The following SYN3 variants were observed in gnomAD, a reference collection of about 807,000 sequenced individuals.
The protein encoded by SYN3 is synapsin III.
A neutral mutation model predicts 65.8 loss-of-function variants in SYN3; 35 were observed. The ratio of observed to expected loss-of-function variants is 0.53; its 90% CI spans 0.41 to 0.70. The LOEUF (loss-of-function observed/expected upper bound fraction) is 0.70, where lower values mean the gene tolerates loss of function less well. Among genes scored for constraint, SYN3 ranks in the 30% least tolerant of loss-of-function variants. The pLI, the probability that SYN3 is intolerant of heterozygous loss-of-function variation, is 0.00. For missense variants in SYN3, 680 were observed against 749.0 expected, an observed-to-expected ratio of 0.91 and a Z score of 1.08; for synonymous variants, 270 against 292.9, an observed-to-expected ratio of 0.92 and a Z score of 0.80.
chr22:32,758,839 C>T (rs1198839363), intron 6 of SYN3, among the ~76,000 whole-genome samples: 2 of 150,886 alleles, frequency 1.3e-5, no homozygotes, highest in African/African-American at 2.4e-5. Context: ...TCTGGTAGGA[C>T]CAAATCCAAC....
intron 6 of SYN3, among the ~76,000 whole-genome samples, chr22:32,607,962 C>T (rs1242931960): frequency 6.6e-6 from 1 of 152,214 alleles, no homozygotes; most frequent in Non-Finnish European, 1.5e-5. Flanking sequence ...GGATCACAGA[C>T]CCTCTGGGCT....
intron 3 of SYN3, among the ~76,000 whole-genome samples, chr22:32,956,381 C>G (rs1004677458): frequency 2.0e-5 from 3 of 152,044 alleles, no homozygotes; most frequent in African/African-American, 7.2e-5. Context: ...GTCTCAAACT[C>G]TGACCTCAAA....
intron 12 of SYN3, among the ~76,000 whole-genome samples, chr22:32,522,635 C>T (rs993137773): frequency 4.6e-5 from 7 of 152,058 alleles, no homozygotes; most frequent in East Asian, 1.9e-4. Context: ...ATAAGACACA[C>T]GTTATTAATA....
At chr22:32,886,432 C>A (rs1324726427) in intron 4 of SYN3, among the ~76,000 whole-genome samples, 3 of 152,150 alleles carry the variant, frequency 2.0e-5, no homozygotes, top group African/African-American at 4.8e-5. Flanking sequence ...CCGGCTCCCC[C>A]AGCTGTGCGA....
chr22:32,636,610 G>C (rs1165656503), intron 6 of SYN3, among the ~76,000 whole-genome samples: 2 of 152,110 alleles, frequency 1.3e-5, no homozygotes, highest in East Asian at 3.8e-4. Flanking sequence ...ATCCTGGGGG[G>C]ATAATCATGG....
rs147843261 is a variant in SYN3 at position 32,831,050 on chromosome 22, A to G, written c.711+33865T>C. ...GTGAAAAGTATTGAATATTCCTTCTATTTCAAAAATAGCAGCTTCCATGGC... is the reference window on the plus strand; with the variant it reads ...GTGAAAAGTATTGAATATTCCTTCTGTTTCAAAAATAGCAGCTTCCATGGC... On this transcript the variant is annotated intron_variant, in intron 6 of 13. Coordinates refer to ENST00000358763, the MANE Select transcript of SYN3 (RefSeq NM_003490.4). Among the ~76,000 whole-genome samples, 219 of 152,276 alleles carry G rather than the reference A, an allele frequency of 1.4e-3. 2 individuals carry two copies. Among genetic ancestry groups the G allele is most frequent in the African/African-American group, 4.9e-3 (204 of 41,562 alleles).
intron 3 of SYN3, among the ~76,000 whole-genome samples, chr22:32,936,380 T>C (rs1431416584): frequency 2.0e-5 from 3 of 152,128 alleles, no homozygotes; most frequent in African/African-American, 4.8e-5. Flanking sequence ...GAAGGCAGAG[T>C]TCATCAGTTT....
Position 32,980,721 on chromosome 22 carries a change from C to T in SYN3, c.312-19G>A. The T allele has an allele frequency of 6.2e-7, 1 of 1,612,768 alleles. No individual in the cohort carries two copies. Among genetic ancestry groups the T allele is most frequent in the Non-Finnish European group, 8.5e-7 (1 of 1,178,930 alleles). ...CTTCGACCTGTAAAGGGGAAGAAATCAGCTGAGTAAGGATGCAGGCTGTTT... is the reference window on the plus strand; with the variant it reads ...CTTCGACCTGTAAAGGGGAAGAAATTAGCTGAGTAAGGATGCAGGCTGTTT... On this transcript the variant is annotated intron_variant, in intron 2 of 13. Coordinates refer to ENST00000358763, the MANE Select transcript of SYN3 (RefSeq NM_003490.4).
At chr22:32,999,660 G>C (rs2052998628) in intron 2 of SYN3, among the ~76,000 whole-genome samples, 1 of 152,098 alleles carries the variant, frequency 6.6e-6, no homozygotes. Flanking sequence ...TCCAGCCTAG[G>C]CAACACAATG....
intron 6 of SYN3, chr22:32,802,075 C>T: frequency 6.3e-7 from 1 of 1,577,772 alleles, no homozygotes; most frequent in Non-Finnish European, 8.6e-7. Flanking sequence ...GAGGCGTGCA[C>T]ATGCTCGCCC....
chr22:32,990,301 A>AATCCATCCATGAATCC (rs1556091913), intron 2 of SYN3, among the ~76,000 whole-genome samples: 3,437 of 139,248 alleles, frequency 0.025, 52 homozygotes, highest in Admixed American at 0.053. Context: ...TCCATCCATG[A>AATCCATCCATGAATCC]ATCCATCCAT....
At chr22:32,649,611 G>A (rs1224540596) in intron 6 of SYN3, among the ~76,000 whole-genome samples, 1 of 152,112 alleles carries the variant, frequency 6.6e-6, no homozygotes, top group Admixed American at 6.5e-5. Context: ...GGTGGGAGGC[G>A]GAACACAACA....
intron 3 of SYN3, among the ~76,000 whole-genome samples, chr22:32,978,683 A>G (rs2052280803): frequency 6.6e-6 from 1 of 152,094 alleles, no homozygotes; most frequent in African/African-American, 2.4e-5. Flanking sequence ...CCTGGCTTCT[A>G]CCTGTAAGTT....
At chr22:32,749,119 T>A (rs148222565) in intron 6 of SYN3, among the ~76,000 whole-genome samples, 273 of 152,218 alleles carry the variant, frequency 1.8e-3, no homozygotes, top group African/African-American at 6.3e-3. Context: ...AGTCCAATAT[T>A]AAGGTGTTGG....
intron 7 of SYN3, among the ~76,000 whole-genome samples, chr22:32,558,402 G>A (rs2058534226): frequency 6.6e-6 from 1 of 152,240 alleles, no homozygotes; most frequent in Non-Finnish European, 1.5e-5. Flanking sequence ...ATGAGGCTCA[G>A]AGATGCGAAG....
intron 12 of SYN3, among the ~76,000 whole-genome samples, chr22:32,526,308 A>G (rs2057975496): frequency 6.6e-6 from 1 of 152,158 alleles, no homozygotes; most frequent in South Asian, 2.1e-4. Flanking sequence ...TTTCTTAAAA[A>G]TATCTCCTGC....
At chr22:32,806,768 T>C (rs2046751653) in intron 6 of SYN3, among the ~76,000 whole-genome samples, 1 of 150,684 alleles carries the variant, frequency 6.6e-6, no homozygotes, top group South Asian at 2.2e-4. Context: ...ATATATCCAT[T>C]TCTATTTATC....
intron 3 of SYN3, among the ~76,000 whole-genome samples, chr22:32,957,951 C>T (rs1601785525): frequency 6.6e-6 from 1 of 152,150 alleles, no homozygotes; most frequent in African/African-American, 2.4e-5. Flanking sequence ...ATCTCCAAAA[C>T]GGGGACTGCA....
chr22:32,838,652 G>A (rs541383372), intron 6 of SYN3, among the ~76,000 whole-genome samples: 2 of 152,006 alleles, frequency 1.3e-5, no homozygotes, highest in East Asian at 1.9e-4. Flanking sequence ...GTCGGTATTC[G>A]GCCTCTCCAG....
Sources: allele counts gnomAD v4.1 joint callset (sites outside exome capture counted in the v4.1 genomes callset), GRCh38; gene constraint gnomAD v4.1.1; transcripts MANE v1.5; gene names NCBI Gene and HGNC (gene_info 2026-07-23, HGNC 2026-07-21).